ADAMTS1: variants seen among roughly 807,000 people sequenced by gnomAD.
ADAMTS1 encodes the protein ADAM metallopeptidase with thrombospondin type 1 motif 1, also known as A disintegrin and metalloproteinase with thrombospondin motifs 1.
In ADAMTS1, 19 loss-of-function variants were observed where a neutral mutation model predicts 87.9. That is an observed-to-expected ratio of 0.22 (90% CI 0.15 to 0.32). ADAMTS1 has a LOEUF of 0.32. ADAMTS1 is among the 10% of genes least tolerant of loss of function. The probability of loss-of-function intolerance (pLI) is 1.00; values close to 1 mark genes in which losing one functional copy is unlikely to be tolerated. For missense variants in ADAMTS1, 1,240 were observed against 1,259.1 expected (o/e 0.98, Z 0.23); for synonymous variants, 542 against 501.8 (o/e 1.08, Z -1.07).
chr21:26,837,237 C>A lies in ADAMTS1; in HGVS notation c.*342G>T. 4.7e-6 allele frequency: 1 copy of A among 211,242 alleles called. No homozygotes were observed. The highest frequency in any genetic ancestry group is 9.6e-6 in the Non-Finnish European group (1 of 104,020). 13.1% of individuals were successfully genotyped at this position (211,242 alleles called of 1,614,324 possible). A position where few individuals can be genotyped will look rare whatever the true frequency, so the allele number is the denominator to read the frequency against. ...TAAGTATTTGATAAGTACCAGGAAA[C>A]AGGGGTTGTAATAGTTCTAACTTTT... is the stretch of plus-strand genomic sequence containing the variant. On this transcript the variant is annotated 3_prime_UTR_variant, in exon 9 of 9. Coordinates refer to ENST00000284984, the MANE Select transcript of ADAMTS1 (RefSeq NM_006988.5).
rs559004257 is a variant in ADAMTS1, at chr21:26,842,684, T to C, written c.732A>G (p.Gly244=). The C allele has an allele frequency of 1.1e-5, 17 of 1,606,460 alleles. No individual in the cohort carries two copies. In the African/African-American group the frequency reaches 1.7e-4, roughly 17 times the overall value. The change falls in exon 2 of 9, where the codon GGA becomes GGG. Residue 244 remains glycine (G), a splice_region_variant and synonymous_variant. Coordinates refer to ENST00000284984, the MANE Select transcript of ADAMTS1 (RefSeq NM_006988.5). The part of the protein sequence containing the change: ...PALQGVGQPT[G]TGSIRKKRFV... The stretch of plus-strand genomic sequence containing the variant: ...ATCGCTTCTTTCTTATGCTTCCAGT[T>C]CCTGTAAAGAAAAAAAAAAGTTTGC...
Position 26,844,406 on chromosome 21 carries a change from G to C in ADAMTS1, c.549C>G (p.Phe183Leu), listed in dbSNP as rs370751970. 3 of 1,594,486 alleles carry C rather than the reference G, an allele frequency of 1.9e-6. No homozygotes were observed. Among genetic ancestry groups the C allele is most frequent in the Middle Eastern group, 1.7e-4 (1 of 6,016 alleles). ...CCTGCCGATTCCGCCGCAGGAGGTG[G>C]AACTGTAGTGGTGCCGGCGGCTTCT... Reference protein sequence around the residue: ...PGEKPPAPLQFHLLRRNRQGD... With the variant: ...PGEKPPAPLQLHLLRRNRQGD... The change falls in exon 1 of 9, where the codon TTC becomes TTG. Residue 183 changes from phenylalanine to leucine, a missense_variant. This residue lies in a region of ADAMTS1 where 521 missense variants were observed against 449.7 expected (regional missense o/e 1.16). Coordinates refer to ENST00000284984, the MANE Select transcript of ADAMTS1 (RefSeq NM_006988.5).
rs773110972 is a variant in ADAMTS1, at chr21:26,842,028, A to G, written c.1078-38T>C. The G allele has an allele frequency of 1.3e-5, 21 of 1,602,044 alleles. No homozygotes were observed. The South Asian group carries it at 2.1e-4, about 16-fold the overall frequency. On this transcript the variant is annotated intron_variant, in intron 2 of 8. Coordinates refer to ENST00000284984, the MANE Select transcript of ADAMTS1 (RefSeq NM_006988.5). Reference sequence around the variant, plus strand: ...AAGGTAAATACTTATTAATAAGGGGAGCATGACCCTTGGGATCTAACTTTT... The same window carrying G: ...AAGGTAAATACTTATTAATAAGGGGGGCATGACCCTTGGGATCTAACTTTT...
intron 1 of ADAMTS1, chr21:26,843,849 G>A: frequency 2.2e-6 from 1 of 453,684 alleles, no homozygotes; most frequent in Non-Finnish European, 4.3e-6. Context: ...GTTGCAACCC[G>A]CACAAAAGGC....
chr21:26,843,702 G>A (rs1373866832), intron 1 of ADAMTS1: 2 of 496,194 alleles, frequency 4.0e-6, no homozygotes, highest in Non-Finnish European at 8.3e-6. Context: ...GGGGACAGAA[G>A]TCTGCAGAAC....
Position 26,844,752 on chromosome 21 carries a change from G to T in ADAMTS1, c.203C>A (p.Ala68Asp), listed in dbSNP as rs767517127. 2 of 1,558,240 alleles carry T rather than the reference G, an allele frequency of 1.3e-6. No individual in the cohort carries two copies. Among genetic ancestry groups the T allele is most frequent in the Non-Finnish European group, 1.7e-6 (2 of 1,148,704 alleles). The change falls in exon 1 of 9, where the codon GCC becomes GAC. Residue 68 changes from alanine to aspartate, a missense_variant. Transcript: ENST00000284984. ...GAGGCGCGTGGTCCCGTGTCCCGGGGCGCGCTCCAGCTCCGGCACCACTAG... is the reference window on the plus strand; with the variant it reads ...GAGGCGCGTGGTCCCGTGTCCCGGGTCGCGCTCCAGCTCCGGCACCACTAG... The part of the protein sequence containing the change: ...EELVVPELER[A>D]PGHGTTRLRL...
intron 1 of ADAMTS1, chr21:26,842,928 A>G: frequency 1.9e-6 from 1 of 525,608 alleles, no homozygotes; most frequent in Non-Finnish European, 3.4e-6. Context: ...TGTGAGCAGG[A>G]TTTCTTCTGT....
chr21:26,841,255 G>C lies in ADAMTS1; in HGVS notation c.1211-90C>G, dbSNP rs1427186688. On this transcript the variant is annotated intron_variant, in intron 3 of 8. Coordinates refer to ENST00000284984, the MANE Select transcript of ADAMTS1 (RefSeq NM_006988.5). ...GTAATTCCAGAAGCCGAGGCGGGTG[G>C]ATCACTTGAGGTCAGGAGTTCAAGA... 5 of 1,400,600 alleles carry C rather than the reference G, an allele frequency of 3.6e-6. No homozygotes were observed. The East Asian group carries it at 1.2e-4, about 33-fold the overall frequency. 86.8% of individuals were successfully genotyped at this position (1,400,600 alleles called of 1,614,324 possible).
Position 26,844,252 on chromosome 21 carries a change from C to T in ADAMTS1, c.703G>A (p.Ala235Thr), listed in dbSNP as rs781710708. ...EGAQWSPQDP[A>T]LQGVGQPTGT... ...GTGGGCTGTCCTACGCCTTGCAGTGCCGGGTCCTGCGGCGACCACTGAGCC... is the reference window on the plus strand; with the variant it reads ...GTGGGCTGTCCTACGCCTTGCAGTGTCGGGTCCTGCGGCGACCACTGAGCC... The change falls in exon 1 of 9, where the codon GCA becomes ACA. Residue 235 changes from alanine (A) to threonine (T), a missense_variant. This residue lies in a region of ADAMTS1 where 521 missense variants were observed against 449.7 expected (regional missense o/e 1.16). Coordinates refer to ENST00000284984, the MANE Select transcript of ADAMTS1 (RefSeq NM_006988.5). 4 of 1,575,772 alleles carry T rather than the reference C, an allele frequency of 2.5e-6. No homozygotes were observed. Among genetic ancestry groups the T allele is most frequent in the African/African-American group, 1.3e-5 (1 of 74,224 alleles).
At chr21:26,842,043 A>C in intron 2 of ADAMTS1, 53 bp from the exon 3 acceptor site, 2 of 1,576,810 alleles carry the variant, frequency 1.3e-6, no homozygotes. Context: ...GACCCTTGGG[A>C]TCTAACTTTT....
Position 26,838,262 on chromosome 21 carries a change from T to C in ADAMTS1, c.2221A>G (p.Ile741Val). 1.9e-6 allele frequency: 3 copies of C among 1,608,712 alleles called. No individual in the cohort carries two copies. Among genetic ancestry groups the C allele is most frequent in the Non-Finnish European group, 2.6e-6 (3 of 1,176,282 alleles). The change falls in exon 9 of 9, where the codon ATC (isoleucine) becomes GTC (valine). Residue 741 changes from isoleucine to valine, a missense_variant. By Grantham distance (29) the Ile-to-Val change is conservative. Transcript: ENST00000284984. Reference sequence around the variant, plus strand: ...GTGGCTCCAGTTGGAATTGTGATGATATCATGATATCCAGGTCTGCAGGTG... The same window carrying C: ...GTGGCTCCAGTTGGAATTGTGATGACATCATGATATCCAGGTCTGCAGGTG... ...VTSAKPGYHD[I>V]ITIPTGATNI... is the part of the protein sequence containing the mutation.
rs1344118016 is a variant in ADAMTS1 at position 26,844,572 on chromosome 21, G to T, written c.383C>A (p.Thr128Asn). The T allele has an allele frequency of 6.2e-7, 1 of 1,610,882 alleles. No individual in the cohort carries two copies. Among genetic ancestry groups the T allele is most frequent in the African/African-American group, 1.3e-5 (1 of 74,906 alleles). The change falls in exon 1 of 9, where the codon ACC becomes AAC. Residue 128 changes from threonine to asparagine, a missense_variant. Thr to Asn is a moderately conservative substitution (Grantham distance 65). This residue lies in a region of ADAMTS1 where 521 missense variants were observed against 449.7 expected (regional missense o/e 1.16). Transcript: ENST00000284984. ...AGCCGAGCTGGGATCGCCATTCACG[G>T]TGCCGGAGTAGAAGCAGTGCGCCAG... ...TDLAHCFYSG[T>N]VNGDPSSAAA... is the part of the protein sequence containing the mutation.
chr21:26,838,383 C>T (rs113656634), intron 8 of ADAMTS1, 56 bp downstream of exon 8: 16 of 1,599,716 alleles, frequency 1.0e-5, no homozygotes, highest in African/African-American at 6.7e-5. Flanking sequence ...TTTCCCAGAC[C>T]TGTTGAAAGG....
chr21:26,842,747 C>A, intron 1 of ADAMTS1, 62 bp from the exon 2 acceptor site: 1 of 1,412,336 alleles, frequency 7.1e-7, no homozygotes, highest in Non-Finnish European at 9.6e-7. Flanking sequence ...ACCTTCCTAG[C>A]ATATATTAGG....
Position 26,835,886 on chromosome 21 carries a change from T to C in ADAMTS1, c.*1693A>G, listed in dbSNP as rs1035348046. On this transcript the variant is annotated 3_prime_UTR_variant, in exon 9 of 9. Transcript: ENST00000284984. The stretch of plus-strand genomic sequence containing the variant: ...ACAGCCATGTCCATTCACTTACTCA[T>C]TCTTTATGGCTAGTTTTGTGCTACA... 2 of 152,226 alleles carry C rather than the reference T, an allele frequency of 1.3e-5. No individual in the cohort carries two copies. Among genetic ancestry groups the C allele is most frequent in the Non-Finnish European group, 2.9e-5 (2 of 68,042 alleles). 9.4% of individuals were successfully genotyped at this position (152,226 alleles called of 1,614,324 possible).
chr21:26,838,684 A>G, intron 7 of ADAMTS1, 70 bp from the exon 8 acceptor site: 4 of 1,472,776 alleles, frequency 2.7e-6, no homozygotes, highest in Non-Finnish European at 3.7e-6. Context: ...ATAAGTGTAA[A>G]CATTTTCTCT....
Position 26,844,360 on chromosome 21 carries a change from C to G in ADAMTS1, c.595G>C (p.Gly199Arg). ...NRQGDVGGTCGVVDDEPRPTG... is the reference protein window; with the variant it reads ...NRQGDVGGTCRVVDDEPRPTG... ...GGCCGGGGCTCGTCGTCCACGACCC[C>G]GCACGTGCCGCCGACGTCGCCCTGC... is the stretch of plus-strand genomic sequence containing the variant. The change falls in exon 1 of 9, where the codon GGG becomes CGG. Residue 199 changes from glycine to arginine, a missense_variant. This residue lies in a region of ADAMTS1 where 521 missense variants were observed against 449.7 expected (regional missense o/e 1.16). Transcript: ENST00000284984. The G allele has an allele frequency of 6.3e-7, 1 of 1,598,158 alleles. No homozygotes were observed. The highest frequency in any genetic ancestry group is 8.5e-7 in the Non-Finnish European group (1 of 1,175,096).
chr21:26,837,670 T>C lies in ADAMTS1; in HGVS notation c.2813A>G (p.His938Arg), dbSNP rs114109534. 275 of 1,614,226 alleles carry C rather than the reference T, an allele frequency of 1.7e-4. No individual in the cohort carries two copies. In the African/African-American group the frequency reaches 2.7e-3, roughly 16 times the overall value. Residue 938 changes from histidine (H) to arginine (R), a missense_variant, in exon 9 of 9, where the codon CAT becomes CGT. Around this residue, in one of 3 missense-constraint regions of ADAMTS1, gnomAD observed 402 missense variants for 399.1 expected, o/e 1.01. Transcript: ENST00000284984. ...YKKRSLKCLSHDGGVLSHESC... is the reference protein window; with the variant it reads ...YKKRSLKCLSRDGGVLSHESC... ...CTCATGAGATAACACCCCTCCATCA[T>C]GGGACAGACACTTCAAGCTTCTTTT...
chr21:26,837,859 T>C lies in ADAMTS1; in HGVS notation c.2624A>G (p.Gln875Arg). The C allele has an allele frequency of 6.2e-7, 1 of 1,614,222 alleles. No individual in the cohort carries two copies. Among genetic ancestry groups the C allele is most frequent in the Admixed American group, 1.7e-5 (1 of 60,026 alleles). The change falls in exon 9 of 9, where the codon CAG (glutamine) becomes CGG (arginine). Residue 875 changes from glutamine (Q) to arginine (R), a missense_variant. Coordinates refer to ENST00000284984, the MANE Select transcript of ADAMTS1 (RefSeq NM_006988.5). ...ECSKSCELGW[Q>R]RRLVECRDIN... Reference sequence around the variant, plus strand: ...GTCTCGGCATTCTACCAGTCTTCTCTGCCAACCCAATTCACATGACTTAGA... The same window carrying C: ...GTCTCGGCATTCTACCAGTCTTCTCCGCCAACCCAATTCACATGACTTAGA...
Sources: allele counts gnomAD v4.1 joint callset, GRCh38; gene constraint gnomAD v4.1.1; regional missense constraint gnomAD v4.1.1; transcripts MANE v1.5; gene names NCBI Gene and HGNC (gene_info 2026-07-23, HGNC 2026-07-21).